RABGAP1L: variants seen among roughly 807,000 people sequenced by gnomAD.
RABGAP1L encodes RAB GTPase activating protein 1 like, also known as rab GTPase-activating protein 1-like.
RABGAP1L carries 63 observed loss-of-function variants against 137.7 expected under a neutral mutation model. That is an observed-to-expected ratio of 0.46 (90% CI 0.37 to 0.56). The LOEUF is 0.56. Among genes scored for constraint, RABGAP1L ranks in the 20% least tolerant of loss-of-function variants. RABGAP1L has a pLI of 0.00. For missense variants in RABGAP1L, 1,095 were observed against 1,244.0 expected, an observed-to-expected ratio of 0.88 and a Z score of 1.80; for synonymous variants, 431 against 433.7, an observed-to-expected ratio of 0.99 and a Z score of 0.08.
intron 1 of RABGAP1L, among the ~76,000 whole-genome samples, chr1:174,190,042 CG>C (rs1667095350): frequency 1.3e-5 from 2 of 152,066 alleles, no homozygotes; most frequent in African/African-American, 4.8e-5. Context: ...CAGTGGCTAA[CG>C]CCTGTAATCC....
chr1:174,502,674 A>ATG (rs1661426817), intron 13 of RABGAP1L, among the ~76,000 whole-genome samples: 1 of 148,940 alleles, frequency 6.7e-6, no homozygotes, highest in African/African-American at 2.5e-5. Flanking sequence ...GTGTGTATAT[A>ATG]TACATATATG....
intron 18 of RABGAP1L, among the ~76,000 whole-genome samples, chr1:174,777,825 A>G (rs1686652076): frequency 6.6e-6 from 1 of 152,182 alleles, no homozygotes; most frequent in Admixed American, 6.5e-5. Flanking sequence ...AAACATAGCA[A>G]TTGAAACTAT....
intron 13 of RABGAP1L, among the ~76,000 whole-genome samples, chr1:174,585,879 ATG>A (rs540152607): frequency 6.6e-6 from 1 of 152,158 alleles, no homozygotes; most frequent in African/African-American, 2.4e-5. Context: ...GTGCATGTCT[ATG>A]TGTGTGTATT....
At chr1:174,504,970 T>C (rs894059576) in intron 13 of RABGAP1L, among the ~76,000 whole-genome samples, 1 of 152,140 alleles carries the variant, frequency 6.6e-6, no homozygotes, top group African/African-American at 2.4e-5. Context: ...ACCATACATC[T>C]GATAAGGGGT....
chr1:174,551,850 GGATATCAGTACA>G (rs1372973679), intron 13 of RABGAP1L, among the ~76,000 whole-genome samples: 1 of 152,056 alleles, frequency 6.6e-6, no homozygotes, highest in East Asian at 1.9e-4. Context: ...ATGGAATAGT[GGATATCAGTACA>G]GATCCTGCAG....
chr1:174,974,710 G>A (rs1647721058), intron 21 of RABGAP1L, among the ~76,000 whole-genome samples: 1 of 152,192 alleles, frequency 6.6e-6, no homozygotes, highest in African/African-American at 2.4e-5. Flanking sequence ...CTAACCACTG[G>A]GCTATGAGCC....
At chr1:174,521,131 C>G (rs1472035918) in intron 13 of RABGAP1L, among the ~76,000 whole-genome samples, 1 of 151,952 alleles carries the variant, frequency 6.6e-6, no homozygotes, top group African/African-American at 2.4e-5. Flanking sequence ...ATTTATATTC[C>G]ACAGAAAATA....
chr1:174,411,845 G>A (rs1454709655), intron 13 of RABGAP1L, among the ~76,000 whole-genome samples: 2 of 152,130 alleles, frequency 1.3e-5, no homozygotes, highest in Admixed American at 1.3e-4. Flanking sequence ...TGGTCCAAGA[G>A]TATGGTTTGT....
rs181133763 is a variant in RABGAP1L at position 174,539,017 on chromosome 1, C to T, written c.1711-98358C>T. Among the ~76,000 whole-genome samples, 73 of 152,068 alleles carry T rather than the reference C, an allele frequency of 4.8e-4. 1 individual carries two copies. In the East Asian group the frequency reaches 7.9e-3, roughly 17 times the overall value. On this transcript the variant is annotated intron_variant, in intron 13 of 25. Coordinates refer to ENST00000681986, the MANE Select transcript of RABGAP1L (RefSeq NM_001366446.1). ...TCATTAAAAAGTTAAATAAGTTGCC[C>T]GGGGTCACACAAAAGACTAAAGGGT...
At chr1:174,389,607 A>G (rs549331477) in intron 12 of RABGAP1L, among the ~76,000 whole-genome samples, 1 of 152,230 alleles carries the variant, frequency 6.6e-6, no homozygotes, top group East Asian at 1.9e-4. Flanking sequence ...TTTTGATCCT[A>G]TTAAATTCAG....
chr1:174,387,503 T>C (rs1686891447), intron 12 of RABGAP1L, among the ~76,000 whole-genome samples: 1 of 151,732 alleles, frequency 6.6e-6, no homozygotes, highest in Non-Finnish European at 1.5e-5. Context: ...ATAAAGACAA[T>C]ATCTAACAAA....
intron 17 of RABGAP1L, among the ~76,000 whole-genome samples, chr1:174,718,141 GTCT>G (rs1681177469): frequency 6.6e-6 from 1 of 152,030 alleles, no homozygotes; most frequent in Non-Finnish European, 1.5e-5. Flanking sequence ...TTCTTCTGTT[GTCT>G]TCTTATTTTA....
At chr1:174,179,205 C>T (rs1666145118) in intron 1 of RABGAP1L, among the ~76,000 whole-genome samples, 2 of 151,658 alleles carry the variant, frequency 1.3e-5, no homozygotes, top group Admixed American at 6.6e-5. Flanking sequence ...AAAATTTTAT[C>T]ATTGGCAACA....
chr1:174,526,895 G>A (rs1663921642), intron 13 of RABGAP1L, among the ~76,000 whole-genome samples: 1 of 151,876 alleles, frequency 6.6e-6, no homozygotes, highest in African/African-American at 2.4e-5. Context: ...TGCTCTTCTA[G>A]TTCCTTGAGG....
At chr1:174,915,241 T>C (rs1434082121) in intron 19 of RABGAP1L, among the ~76,000 whole-genome samples, 3 of 152,216 alleles carry the variant, frequency 2.0e-5, no homozygotes, top group Non-Finnish European at 4.4e-5. Context: ...TTTTAAGAAA[T>C]TGCCATACTA....
At chr1:174,422,428 A>G (rs1329593802) in intron 13 of RABGAP1L, among the ~76,000 whole-genome samples, 1 of 152,062 alleles carries the variant, frequency 6.6e-6, no homozygotes, top group Admixed American at 6.5e-5. Context: ...AGGAATAGAA[A>G]ATAAAATTTA....
chr1:174,890,073 CA>C (rs1362035659), intron 19 of RABGAP1L, among the ~76,000 whole-genome samples: 2 of 151,932 alleles, frequency 1.3e-5, no homozygotes, highest in Non-Finnish European at 2.9e-5. Context: ...AACAAACGAA[CA>C]AAAAAATGCA....
chr1:174,553,932 G>C (rs953165151), intron 13 of RABGAP1L, among the ~76,000 whole-genome samples: 1 of 152,154 alleles, frequency 6.6e-6, no homozygotes, highest in African/African-American at 2.4e-5. Context: ...CGAATCTGCA[G>C]TGAGCTGAGA....
At chr1:174,354,654 C>G (rs377735267) in intron 11 of RABGAP1L, among the ~76,000 whole-genome samples, 2 of 141,798 alleles carry the variant, frequency 1.4e-5, no homozygotes, top group East Asian at 3.9e-4. Context: ...TGCAGAAGCT[C>G]TTTAGTTTAA....
Sources: allele counts gnomAD v4.1 joint callset (sites outside exome capture counted in the v4.1 genomes callset), GRCh38; gene constraint gnomAD v4.1.1; transcripts MANE v1.5; gene names NCBI Gene and HGNC (gene_info 2026-07-23, HGNC 2026-07-21).